Variants in LRRC4C observed in about 807,000 individuals in gnomAD.
LRRC4C encodes the protein leucine-rich repeat-containing protein 4C.
LRRC4C carries 5 observed loss-of-function variants against 33.6 expected under a neutral mutation model. The ratio of observed to expected loss-of-function variants is 0.15; its 90% CI spans 0.08 to 0.31. The LOEUF is 0.31. LRRC4C is among the 10% of genes least tolerant of loss of function. The probability of loss-of-function intolerance (pLI) is 1.00; values close to 1 mark genes in which losing one functional copy is unlikely to be tolerated. For synonymous variants in LRRC4C, 329 were observed against 302.0 expected (o/e 1.09, Z -0.93); for missense variants, 560 against 796.7 (o/e 0.70, Z 3.58).
chr11:41,392,527 AC>A (rs1233544225), intron 1 of LRRC4C, among the ~76,000 whole-genome samples: 1 of 148,390 alleles, frequency 6.7e-6, no homozygotes, highest in Non-Finnish European at 1.5e-5. Flanking sequence ...TAGTGTTACC[AC>A]CCCCATACCC....
intron 3 of LRRC4C, among the ~76,000 whole-genome samples, chr11:40,330,951 A>G (rs1483211008): frequency 6.6e-6 from 1 of 152,176 alleles, no homozygotes; most frequent in Non-Finnish European, 1.5e-5. Context: ...GTATCCATTA[A>G]CCAATTTCTG....
At chr11:40,599,477 A>C (rs1959750000) in intron 3 of LRRC4C, among the ~76,000 whole-genome samples, 1 of 151,856 alleles carries the variant, frequency 6.6e-6, no homozygotes, top group South Asian at 2.1e-4. Context: ...GAAGAACCAT[A>C]TTTTCCCACT....
intron 3 of LRRC4C, among the ~76,000 whole-genome samples, chr11:40,414,741 CTTCT>C (rs1950265733): frequency 6.6e-6 from 1 of 151,962 alleles, no homozygotes; most frequent in South Asian, 2.1e-4. Flanking sequence ...AAATGAAAAG[CTTCT>C]TTCTTTAAGC....
chr11:41,272,819 T>C (rs1480573559), intron 1 of LRRC4C, among the ~76,000 whole-genome samples: 3 of 152,174 alleles, frequency 2.0e-5, no homozygotes, highest in African/African-American at 7.2e-5. Context: ...TTTCAGGATA[T>C]TTGTTTTCTA....
At chr11:40,970,639 C>T (rs976577643) in intron 1 of LRRC4C, among the ~76,000 whole-genome samples, 5 of 152,044 alleles carry the variant, frequency 3.3e-5, no homozygotes, top group African/African-American at 1.2e-4. Context: ...GGGCAATGGG[C>T]TAAGGTTGGA....
intron 1 of LRRC4C, among the ~76,000 whole-genome samples, chr11:41,234,006 G>A (rs1160041632): frequency 8.6e-5 from 13 of 151,436 alleles, no homozygotes; most frequent in Admixed American, 8.6e-4. Flanking sequence ...GAAAGAGCAG[G>A]GAAGTCAGAA....
chr11:41,234,887 A>C (rs895037344), intron 1 of LRRC4C, among the ~76,000 whole-genome samples: 1 of 152,016 alleles, frequency 6.6e-6, no homozygotes, highest in Non-Finnish European at 1.5e-5. Context: ...GCCATCTAAC[A>C]CCAGAAGCAT....
intron 3 of LRRC4C, among the ~76,000 whole-genome samples, chr11:40,380,473 A>G (rs1948823085): frequency 6.6e-6 from 1 of 152,202 alleles, no homozygotes; most frequent in African/African-American, 2.4e-5. Flanking sequence ...AGGATTGGGC[A>G]TAAATGTCAA....
intron 1 of LRRC4C, among the ~76,000 whole-genome samples, chr11:41,094,109 C>T (rs914784779): frequency 6.7e-6 from 1 of 149,852 alleles, no homozygotes; most frequent in Non-Finnish European, 1.5e-5. Flanking sequence ...GAGCGAGACT[C>T]CGTATCGGGG....
chr11:40,772,836 C>T (rs1422040017), intron 2 of LRRC4C, among the ~76,000 whole-genome samples: 1 of 152,116 alleles, frequency 6.6e-6, no homozygotes, highest in East Asian at 1.9e-4. Context: ...ATGATTCAGC[C>T]ATCCACTGAT....
chr11:40,592,139 GC>G (rs1959087916), intron 3 of LRRC4C, among the ~76,000 whole-genome samples: 1 of 152,218 alleles, frequency 6.6e-6, no homozygotes, highest in African/African-American at 2.4e-5. Flanking sequence ...CCAGAAAGCA[GC>G]CCTCCCCTTT....
chr11:41,116,735 T>C (rs1253114662), intron 1 of LRRC4C, among the ~76,000 whole-genome samples: 1 of 152,140 alleles, frequency 6.6e-6, no homozygotes, highest in Non-Finnish European at 1.5e-5. Flanking sequence ...TTTTAATGTA[T>C]CATTTACTAA....
chr11:40,984,149 TAAAG>T (rs890139435), intron 1 of LRRC4C, among the ~76,000 whole-genome samples: 19 of 112,378 alleles, frequency 1.7e-4, no homozygotes, highest in East Asian at 1.4e-3. Flanking sequence ...AAGAAAAAAG[TAAAG>T]AAAGAAAGAA....
intron 1 of LRRC4C, among the ~76,000 whole-genome samples, chr11:41,283,402 C>T (rs956936963): frequency 1.3e-5 from 2 of 152,044 alleles, no homozygotes. Flanking sequence ...GTGAATAATG[C>T]ATGGATTAGT....
chr11:41,433,608 T>C (rs1955318230), intron 1 of LRRC4C, among the ~76,000 whole-genome samples: 2 of 152,034 alleles, frequency 1.3e-5, no homozygotes, highest in African/African-American at 4.8e-5. Flanking sequence ...CAGAAAAACA[T>C]GAAAAGGCTA....
At chr11:40,418,337 C>A (rs1313379861) in intron 3 of LRRC4C, among the ~76,000 whole-genome samples, 1 of 152,144 alleles carries the variant, frequency 6.6e-6, no homozygotes, top group African/African-American at 2.4e-5. Context: ...GACATTTATG[C>A]ACCCAACAAA....
intron 3 of LRRC4C, among the ~76,000 whole-genome samples, chr11:40,378,830 T>C (rs781269599): frequency 7.2e-5 from 11 of 152,130 alleles, no homozygotes; most frequent in Non-Finnish European, 1.5e-4. Flanking sequence ...CTTAGTTTAG[T>C]GGAATTCAAG....
chr11:40,267,631 G>A (rs549123752), intron 4 of LRRC4C, among the ~76,000 whole-genome samples: 3 of 152,108 alleles, frequency 2.0e-5, no homozygotes, highest in Admixed American at 6.5e-5. Context: ...GATTACAGAC[G>A]TGAGCCACCG....
chr11:40,695,798 T>G (rs1591486315), intron 2 of LRRC4C, among the ~76,000 whole-genome samples: 1 of 152,064 alleles, frequency 6.6e-6, no homozygotes, highest in African/African-American at 2.4e-5. Context: ...ATTCTTTTAC[T>G]TACGAGGAGA....
Sources: allele counts gnomAD v4.1 joint callset (sites outside exome capture counted in the v4.1 genomes callset), GRCh38; gene constraint gnomAD v4.1.1; transcripts MANE v1.5; gene names NCBI Gene and HGNC (gene_info 2026-07-23, HGNC 2026-07-21).